ME2: variants seen among roughly 807,000 people sequenced by gnomAD.
The protein encoded by ME2 is malic enzyme 2.
A neutral mutation model predicts 73.7 loss-of-function variants in ME2; 60 were observed. That is an observed-to-expected ratio of 0.81 (90% CI 0.66 to 1.01). The LOEUF (loss-of-function observed/expected upper bound fraction) is 1.01. ME2 is among the 50% of genes least tolerant of loss of function. ME2 has a pLI of 0.00. For synonymous variants in ME2, 199 were observed against 236.9 expected, an observed-to-expected ratio of 0.84 and a Z score of 1.47; for missense variants, 594 against 705.5, an observed-to-expected ratio of 0.84 and a Z score of 1.79.
chr18:50,885,058 G>T (rs1916424667), intron 1 of ME2, among the ~76,000 whole-genome samples: 1 of 151,974 alleles, frequency 6.6e-6, no homozygotes, highest in Admixed American at 6.6e-5. Flanking sequence ...GTTTTGCCAT[G>T]TTGGCCAGTC....
chr18:50,892,797 T>G (rs1916636634), intron 1 of ME2, among the ~76,000 whole-genome samples: 1 of 152,110 alleles, frequency 6.6e-6, no homozygotes, highest in Non-Finnish European at 1.5e-5. Flanking sequence ...GAAAAACAAT[T>G]CAGTGGAGTC....
At chr18:50,882,993 G>C (rs2144174636) in intron 1 of ME2, among the ~76,000 whole-genome samples, 1 of 152,214 alleles carries the variant, frequency 6.6e-6, no homozygotes, top group East Asian at 1.9e-4. Flanking sequence ...CTACTGTCCT[G>C]ATCCTTTCCT....
chr18:50,882,049 A>G (rs995288747), intron 1 of ME2, among the ~76,000 whole-genome samples: 3 of 152,274 alleles, frequency 2.0e-5, no homozygotes, highest in African/African-American at 7.2e-5. Flanking sequence ...CCTAGGCTAG[A>G]GTGCAGTGGT....
intron 1 of ME2, among the ~76,000 whole-genome samples, chr18:50,888,296 G>A (rs2144184155): frequency 6.6e-6 from 1 of 150,770 alleles, no homozygotes; most frequent in East Asian, 2.0e-4. Context: ...AGTGAGCTGT[G>A]ATCATGCCAC....
chr18:50,893,066 A>G (rs1229789958), intron 1 of ME2, among the ~76,000 whole-genome samples: 1 of 144,938 alleles, frequency 6.9e-6, no homozygotes, highest in African/African-American at 2.6e-5. Context: ...CAGAGGTTGT[A>G]GCGAGCCAAG....
Position 50,921,110 on chromosome 18 carries a change from A to G in ME2, c.979A>G (p.Met327Val), listed in dbSNP as rs139855700. 1.8e-5 allele frequency: 28 copies of G among 1,599,830 alleles called. 1 individual carries two copies. In the South Asian group the frequency reaches 2.1e-4, roughly 12 times the overall value. Residue 327 changes from methionine to valine, a missense_variant, in exon 10 of 16, where the codon ATG becomes GTG. By Grantham distance (21) the Met-to-Val change is conservative (BLOSUM62 1). Coordinates refer to ENST00000321341, the MANE Select transcript of ME2 (RefSeq NM_002396.5). ...AATTGCAAATCTTATAGTTATGTCT[A>G]TGGTAGAAAATGGCCTGTCAGAACA... ...LGIANLIVMS[M>V]VENGLSEQEA...
chr18:50,882,801 T>G (rs1916355044), intron 1 of ME2, among the ~76,000 whole-genome samples: 1 of 151,976 alleles, frequency 6.6e-6, no homozygotes, highest in African/African-American at 2.4e-5. Context: ...ATACAAAAAT[T>G]TGCTGGGCAT....
At chr18:50,916,074 A>G (rs560641073) in intron 4 of ME2, 94 bp from the exon 5 acceptor site, 3 of 857,242 alleles carry the variant, frequency 3.5e-6, no homozygotes, top group African/African-American at 3.5e-5. Context: ...CCATGTCTTG[A>G]TATTTTATTA....
At chr18:50,921,342 T>C (rs977530786) in intron 10 of ME2, among the ~76,000 whole-genome samples, 155 bp downstream of exon 10, 8 of 152,206 alleles carry the variant, frequency 5.3e-5, no homozygotes, top group Non-Finnish European at 1.2e-4. Context: ...TCCCTAGTCT[T>C]GTTGTCTTTT....
intron 1 of ME2, among the ~76,000 whole-genome samples, chr18:50,893,153 C>A (rs1030629648): frequency 0.011 from 959 of 90,736 alleles, 6 homozygotes; most frequent in African/African-American, 0.031. Context: ...AAAAAAAAAA[C>A]ACCTTTAAAT....
At chr18:50,931,774 A>G (rs1453130867) in intron 12 of ME2, among the ~76,000 whole-genome samples, 1 of 151,486 alleles carries the variant, frequency 6.6e-6, no homozygotes, top group Non-Finnish European at 1.5e-5. Flanking sequence ...TCCTGGGTTC[A>G]AGTGATTCTC....
At position 50,947,121 on chromosome 18, in the gene ME2, C is replaced by T. The variant is rs751407952; in HGVS notation, c.1692C>T (p.Ser564=). The T allele has an allele frequency of 6.2e-7, 1 of 1,613,938 alleles. No individual in the cohort carries two copies. The highest frequency in any genetic ancestry group is 8.5e-7 in the Non-Finnish European group (1 of 1,179,990). ...GAACATGGCGGAGTGAATATGATTC[C>T]CTGCTGCCAGATGTGTATGAATGGC... is the stretch of plus-strand genomic sequence containing the variant. The part of the protein sequence containing the change: ...KERTWRSEYD[S]LLPDVYEWPE... The change falls in exon 16 of 16, where the codon TCC becomes TCT. Residue 564 remains serine, a synonymous_variant. Coordinates refer to ENST00000321341, the MANE Select transcript of ME2 (RefSeq NM_002396.5).
At chr18:50,889,663 A>G (rs1369553100) in intron 1 of ME2, among the ~76,000 whole-genome samples, 1 of 152,260 alleles carries the variant, frequency 6.6e-6, no homozygotes, top group Non-Finnish European at 1.5e-5. Flanking sequence ...TCTGTGACAT[A>G]TAACAATTTA....
At chr18:50,884,941 G>A (rs906945804) in intron 1 of ME2, among the ~76,000 whole-genome samples, 6 of 151,992 alleles carry the variant, frequency 3.9e-5, no homozygotes, top group African/African-American at 1.5e-4. Flanking sequence ...TGCAGCCGCC[G>A]CCTCTCGGGT....
At chr18:50,883,886 A>G (rs1239638883) in intron 1 of ME2, among the ~76,000 whole-genome samples, 1 of 152,220 alleles carries the variant, frequency 6.6e-6, no homozygotes, top group Non-Finnish European at 1.5e-5. Flanking sequence ...GAAACTCTCC[A>G]GTAAATAGCT....
chr18:50,944,173 C>T (rs1480598816), intron 15 of ME2, among the ~76,000 whole-genome samples: 2 of 152,066 alleles, frequency 1.3e-5, no homozygotes, highest in African/African-American at 4.8e-5. Context: ...ATGATCATAC[C>T]ACTGCACTCC....
intron 1 of ME2, among the ~76,000 whole-genome samples, chr18:50,892,911 G>A (rs1189890513): frequency 6.6e-6 from 1 of 151,984 alleles, no homozygotes; most frequent in African/African-American, 2.4e-5. Flanking sequence ...GGATCACAAG[G>A]TCAGGAGTTC....
At position 50,947,370 on chromosome 18, in the gene ME2, C is replaced by T. The variant is rs1918111097; in HGVS notation, c.*186C>T. 1 of 584,708 alleles carries T rather than the reference C, an allele frequency of 1.7e-6. No homozygotes were observed. The highest frequency in any genetic ancestry group is 2.2e-5 in the South Asian group (1 of 45,402). 36.2% of individuals were successfully genotyped at this position (584,708 alleles called of 1,614,324 possible). On this transcript the variant is annotated 3_prime_UTR_variant, in exon 16 of 16. Transcript: ENST00000321341. ...ACGTGTTGATTGATTGCATTGCCCA[C>T]CAGCACCCTACAGTCAGATAGTTGT...
intron 11 of ME2, among the ~76,000 whole-genome samples, chr18:50,925,157 T>G (rs1917519439): frequency 6.6e-6 from 1 of 152,144 alleles, no homozygotes; most frequent in Non-Finnish European, 1.5e-5. Context: ...ATCTTCCCAA[T>G]TAGAGTGATG....
Sources: allele counts gnomAD v4.1 joint callset (sites outside exome capture counted in the v4.1 genomes callset), GRCh38; gene constraint gnomAD v4.1.1; transcripts MANE v1.5; gene names NCBI Gene and HGNC (gene_info 2026-07-23, HGNC 2026-07-21).